Variants in ASXL3 observed in about 807,000 individuals in gnomAD.
ASXL3 encodes putative Polycomb group protein ASXL3.
Under a neutral mutation model 170.6 loss-of-function variants are expected in ASXL3, and 34 were observed. The ratio of observed to expected loss-of-function variants is 0.20; its 90% CI spans 0.15 to 0.27. ASXL3 has a LOEUF of 0.27. Ranked by LOEUF, ASXL3 falls within the 10% of genes least tolerant of loss-of-function variation. The pLI is 1.00. For synonymous variants in ASXL3, 1,002 were observed against 989.1 expected, an observed-to-expected ratio of 1.01 and a Z score of -0.24; for missense variants, 2,592 against 2,695.3, an observed-to-expected ratio of 0.96 and a Z score of 0.85.
chr18:33,653,097 G>T (rs995572589), intron 4 of ASXL3, among the ~76,000 whole-genome samples: 2 of 152,042 alleles, frequency 1.3e-5, no homozygotes, highest in Non-Finnish European at 2.9e-5. Flanking sequence ...CACCTACCCA[G>T]TGTCAGTTGG....
At chr18:33,709,687 G>T (rs1020379556) in intron 8 of ASXL3, among the ~76,000 whole-genome samples, 3 of 152,122 alleles carry the variant, frequency 2.0e-5, no homozygotes, top group African/African-American at 7.2e-5. Flanking sequence ...TAACAAAAAA[G>T]TATTCATTTT....
intron 1 of ASXL3, among the ~76,000 whole-genome samples, chr18:33,586,192 CTGT>C (rs139017612): frequency 0.052 from 7,918 of 152,064 alleles, 264 homozygotes; most frequent in South Asian, 0.074. Flanking sequence ...TACAGTGAGG[CTGT>C]TGTTTATTCT....
Position 33,745,214 on chromosome 18 carries a change from A to G in ASXL3, c.5366A>G (p.Lys1789Arg). 1 of 1,614,032 alleles carries G rather than the reference A, an allele frequency of 6.2e-7. No individual in the cohort carries two copies. Among genetic ancestry groups the G allele is most frequent in the Non-Finnish European group, 8.5e-7 (1 of 1,179,904 alleles). The change falls in exon 12 of 12, where the codon AAA (lysine) becomes AGA (arginine). Residue 1789 changes from lysine (K) to arginine (R), a missense_variant. Physicochemically the swap from Lys to Arg is conservative, Grantham distance 26. Coordinates refer to ENST00000269197, the MANE Select transcript of ASXL3 (RefSeq NM_030632.3). ...PLPLQTTSVG[K>R]TAPERNVEIP... ...CCTCTTCAAACTACCTCAGTGGGTAAAACAGCACCAGAGAGAAACGTTGAA... is the reference window on the plus strand; with the variant it reads ...CCTCTTCAAACTACCTCAGTGGGTAGAACAGCACCAGAGAGAAACGTTGAA...
chr18:33,589,791 T>A (rs1013673108), intron 1 of ASXL3, among the ~76,000 whole-genome samples: 2 of 152,182 alleles, frequency 1.3e-5, no homozygotes, highest in African/African-American at 4.8e-5. Context: ...TTATCACTAA[T>A]TAATAAAAAT....
chr18:33,661,837 C>A, intron 5 of ASXL3, 100 bp downstream of exon 5: 1 of 1,276,454 alleles, frequency 7.8e-7, no homozygotes, highest in Non-Finnish European at 1.1e-6. Context: ...AATCAGAAAG[C>A]AGAATCTTCC....
rs199888171 is a variant in ASXL3 at position 33,744,693 on chromosome 18, G to T, written c.4845G>T (p.Arg1615Ser). Residue 1615 changes from arginine (R) to serine (S), a missense_variant, in exon 12 of 12, where the codon AGG becomes AGT. By Grantham distance (110) the Arg-to-Ser change is moderately radical (BLOSUM62 -1). Transcript: ENST00000269197. ...NRICWNDDGM[R>S]STGQPLVTHS... ...TTTGCTGGAATGATGATGGGATGAG[G>T]AGCACAGGACAGCCTCTGGTTACTC... The T allele has an allele frequency of 3.4e-4, 555 of 1,611,322 alleles. No homozygotes were observed. Among genetic ancestry groups the T allele is most frequent in the Non-Finnish European group, 4.5e-4 (536 of 1,178,614 alleles).
chr18:33,671,829 A>G lies in ASXL3; in HGVS notation c.678A>G (p.Thr226=). The G allele has an allele frequency of 3.7e-6, 6 of 1,611,296 alleles. No homozygotes were observed. The highest frequency in any genetic ancestry group is 5.1e-6 in the Non-Finnish European group (6 of 1,178,652). The change falls in exon 7 of 12, where the codon ACA becomes ACG. Residue 226 remains threonine, a synonymous_variant. Transcript: ENST00000269197. ...HGQKSPTGKQ[T]SQHLKRLKKS... Reference sequence around the variant, plus strand: ...AAAAATCTCCCACTGGAAAACAAACAAGTCAGCACTTAAAACGATTAAAAA... The same window carrying G: ...AAAAATCTCCCACTGGAAAACAAACGAGTCAGCACTTAAAACGATTAAAAA...
intron 1 of ASXL3, among the ~76,000 whole-genome samples, chr18:33,594,632 G>C (rs1056382111): frequency 1.3e-5 from 2 of 152,104 alleles, no homozygotes; most frequent in Non-Finnish European, 2.9e-5. Flanking sequence ...AACAAGACCA[G>C]AAATGAGGAG....
intron 2 of ASXL3, among the ~76,000 whole-genome samples, chr18:33,639,578 G>A (rs2065817238): frequency 6.6e-6 from 1 of 152,228 alleles, no homozygotes; most frequent in South Asian, 2.1e-4. Flanking sequence ...TTTGGTTTAT[G>A]CTTATGTAGG....
At chr18:33,604,550 G>A (rs2065223398) in intron 1 of ASXL3, among the ~76,000 whole-genome samples, 1 of 152,004 alleles carries the variant, frequency 6.6e-6, no homozygotes, top group Admixed American at 6.6e-5. Context: ...ACAGTGTAGT[G>A]TTGGCTCAGC....
chr18:33,593,258 CTTTTTTTTTTTT>C (rs34699815), intron 1 of ASXL3, among the ~76,000 whole-genome samples: 2 of 87,936 alleles, frequency 2.3e-5, no homozygotes, highest in African/African-American at 4.5e-5. Context: ...CTATGCCCAC[CTTTTTTTTTTTT>C]TTTTTTTTTT....
rs116299707 is a variant in ASXL3 at position 33,594,578 on chromosome 18, T to C, written c.55-13016T>C. On this transcript the variant is annotated intron_variant, in intron 1 of 11. Transcript: ENST00000269197. The stretch of plus-strand genomic sequence containing the variant: ...ATTGGCTGATTGAAACCAGTCCTGC[T>C]TGCTTATAAATATACCTTAATTCCT... Among the ~76,000 whole-genome samples, 377 of 152,312 alleles carry C rather than the reference T, an allele frequency of 2.5e-3. 3 individuals are homozygous for C. The highest frequency in any genetic ancestry group is 8.8e-3 in the African/African-American group (366 of 41,558).
chr18:33,740,160 G>C lies in ASXL3; in HGVS notation c.2756G>C (p.Gly919Ala). 1 of 1,613,834 alleles carries C rather than the reference G, an allele frequency of 6.2e-7. No homozygotes were observed. Reference protein sequence around the residue: ...SSVDKAPFSEGSRNKTHKQGS... With the variant: ...SSVDKAPFSEASRNKTHKQGS... ...GTGGATAAGGCTCCATTTTCAGAAGGCTCTAGAAATAAAACACATAAGCAA... is the reference window on the plus strand; with the variant it reads ...GTGGATAAGGCTCCATTTTCAGAAGCCTCTAGAAATAAAACACATAAGCAA... The change falls in exon 11 of 12, where the codon GGC (glycine) becomes GCC (alanine). Residue 919 changes from glycine to alanine, a missense_variant. Gly to Ala is a moderately conservative substitution (Grantham distance 60). Transcript: ENST00000269197.
At chr18:33,709,716 A>G (rs529756077) in intron 8 of ASXL3, among the ~76,000 whole-genome samples, 31 of 152,338 alleles carry the variant, frequency 2.0e-4, no homozygotes, top group South Asian at 1.2e-3. Context: ...GATTCGAGCC[A>G]TGCTTATGAT....
chr18:33,738,499 A>G lies in ASXL3; in HGVS notation c.1095A>G (p.Ser365=). The G allele has an allele frequency of 6.2e-7, 1 of 1,609,038 alleles. No individual in the cohort carries two copies. Among genetic ancestry groups the G allele is most frequent in the South Asian group, 1.1e-5 (1 of 90,726 alleles). Residue 365 remains serine, a synonymous_variant, in exon 11 of 12, where the codon TCA becomes TCG. Coordinates refer to ENST00000269197, the MANE Select transcript of ASXL3 (RefSeq NM_030632.3). ...ERFYGEKLGM[S]REESVKLTTG... ...AATTTCTGTACAGGCTGGGCATGTCAAGAGAGGAATCTGTGAAGCTCACTA... is the reference window on the plus strand; with the variant it reads ...AATTTCTGTACAGGCTGGGCATGTCGAGAGAGGAATCTGTGAAGCTCACTA...
chr18:33,613,721 C>T (rs546424450), intron 2 of ASXL3, among the ~76,000 whole-genome samples: 3 of 152,018 alleles, frequency 2.0e-5, no homozygotes, highest in Non-Finnish European at 4.4e-5. Flanking sequence ...GAGTTTAAGA[C>T]CAGCCTGGAC....
chr18:33,646,387 G>C, intron 4 of ASXL3, 34 bp downstream of exon 4: 1 of 1,477,236 alleles, frequency 6.8e-7, no homozygotes, highest in Non-Finnish European at 9.4e-7. Flanking sequence ...ATAATCCCTT[G>C]TTCTCTTAAA....
At chr18:33,655,334 A>G (rs536861931) in intron 4 of ASXL3, among the ~76,000 whole-genome samples, 2 of 152,164 alleles carry the variant, frequency 1.3e-5, no homozygotes, top group African/African-American at 4.8e-5. Flanking sequence ...TTCCAGTTAC[A>G]TTAGGTATGT....
intron 8 of ASXL3, among the ~76,000 whole-genome samples, chr18:33,695,037 A>G (rs61523944): frequency 0.022 from 3,296 of 152,230 alleles, 125 homozygotes; most frequent in African/African-American, 0.075. Context: ...CTCCGTGGAA[A>G]TAGCTCATAC....
Sources: gnomAD v4.1 joint callset for allele counts (sites outside exome capture counted in the v4.1 genomes callset) on GRCh38, gnomAD v4.1.1 for gene constraint, MANE v1.5 for transcripts, NCBI Gene and HGNC (gene_info 2026-07-23, HGNC 2026-07-21) for gene names.